CSMD1: variants seen among roughly 807,000 people sequenced by gnomAD.
CSMD1 encodes the protein CUB and Sushi multiple domains 1.
In CSMD1, 213 loss-of-function variants were observed where a neutral mutation model predicts 417.5. The observed-to-expected ratio is 0.51, with a 90% CI of 0.46 to 0.57. The LOEUF (loss-of-function observed/expected upper bound fraction) is 0.57, where lower values mean the gene tolerates loss of function less well. Ranked by LOEUF, CSMD1 falls within the 20% of genes least tolerant of loss-of-function variation. The probability of loss-of-function intolerance (pLI) is 0.00; values close to 1 mark genes in which losing one functional copy is unlikely to be tolerated. For synonymous variants in CSMD1, 2,862 were observed against 1,736.8 expected (o/e 1.65, Z -16.11); for missense variants, 6,923 against 4,529.7 (o/e 1.53, Z -15.17).
At chr8:3,638,563 C>T (rs1425771040) in intron 7 of CSMD1, among the ~76,000 whole-genome samples, 2 of 152,060 alleles carry the variant, frequency 1.3e-5, no homozygotes, top group South Asian at 2.1e-4. Flanking sequence ...GATGCTTGTC[C>T]CTGCCTGCAA....
chr8:3,798,636 T>C (rs1800293113), intron 5 of CSMD1, among the ~76,000 whole-genome samples: 1 of 152,138 alleles, frequency 6.6e-6, no homozygotes, highest in South Asian at 2.1e-4. Flanking sequence ...ACTCATGCTA[T>C]ATAAAAAATA....
intron 4 of CSMD1, among the ~76,000 whole-genome samples, chr8:4,029,581 T>A (rs1797235870): frequency 6.6e-6 from 1 of 152,112 alleles, no homozygotes; most frequent in Non-Finnish European, 1.5e-5. Context: ...TCCTCCCACA[T>A]GTGAGAATTG....
chr8:4,101,832 A>G (rs1801319239), intron 3 of CSMD1, among the ~76,000 whole-genome samples: 1 of 2,494 alleles, frequency 4.0e-4, no homozygotes, highest in Non-Finnish European at 0.025. Flanking sequence ...CACTCCGCAC[A>G]TCTCTGAATT....
intron 26 of CSMD1, among the ~76,000 whole-genome samples, chr8:3,251,673 A>C (rs370070706): frequency 1.3e-5 from 2 of 152,146 alleles, no homozygotes; most frequent in Non-Finnish European, 1.5e-5. Context: ...CATTTTCACA[A>C]TATTGATTCT....
chr8:3,151,373 G>C (rs776384830), intron 40 of CSMD1, 24 bp downstream of exon 40: 1 of 1,466,456 alleles, frequency 6.8e-7, no homozygotes, highest in African/African-American at 1.4e-5. Flanking sequence ...TGAACTTTTA[G>C]GAATTGGTAA....
intron 1 of CSMD1, among the ~76,000 whole-genome samples, chr8:4,700,517 G>T (rs922155498): frequency 6.6e-6 from 1 of 151,970 alleles, no homozygotes; most frequent in African/African-American, 2.4e-5. Context: ...ACAATGAAAA[G>T]GTGTCTAATA....
At chr8:4,728,609 A>T (rs1055388288) in intron 1 of CSMD1, among the ~76,000 whole-genome samples, 1 of 152,194 alleles carries the variant, frequency 6.6e-6, no homozygotes, top group African/African-American at 2.4e-5. Flanking sequence ...TGTCCTTCCT[A>T]TTCCAAATAA....
chr8:2,975,375 T>G (rs1804828505), intron 55 of CSMD1, among the ~76,000 whole-genome samples: 1 of 152,164 alleles, frequency 6.6e-6, no homozygotes, highest in South Asian at 2.1e-4. Flanking sequence ...ATGGACAAAT[T>G]TTTATCTATA....
chr8:3,908,652 C>T (rs1276143628), intron 5 of CSMD1, among the ~76,000 whole-genome samples: 1 of 152,152 alleles, frequency 6.6e-6, no homozygotes, highest in African/African-American at 2.4e-5. Context: ...TTTGTAATTG[C>T]TCTGCAGGGC....
At chr8:4,638,109 G>C (rs1271646348) in intron 1 of CSMD1, among the ~76,000 whole-genome samples, 2 of 152,142 alleles carry the variant, frequency 1.3e-5, no homozygotes, top group African/African-American at 2.4e-5. Context: ...TAGAAGTTTA[G>C]GGAAGTTCTT....
At chr8:3,602,202 G>A (rs1369506585) in intron 8 of CSMD1, among the ~76,000 whole-genome samples, 1 of 152,052 alleles carries the variant, frequency 6.6e-6, no homozygotes, top group East Asian at 1.9e-4. Flanking sequence ...CTTCATGACT[G>A]GTCCATCTTC....
Position 3,937,585 on chromosome 8 carries a change from C to G in CSMD1, c.818+60318G>C, listed in dbSNP as rs375213120. 9.9e-5 allele frequency among the ~76,000 whole-genome samples: 15 copies of G among 152,246 alleles called. 1 individual carries two copies. In the South Asian group the frequency reaches 3.1e-3, roughly 32 times the overall value. ...AGAATGCAGTGTCATGTAAATATAA[C>G]TTTAATATGCACTGGGGAACCCACA... On this transcript the variant is annotated intron_variant, in intron 5 of 69. Coordinates refer to ENST00000635120, the MANE Select transcript of CSMD1 (RefSeq NM_033225.6).
At chr8:4,730,995 A>G (rs1441212378) in intron 1 of CSMD1, among the ~76,000 whole-genome samples, 1 of 152,052 alleles carries the variant, frequency 6.6e-6, no homozygotes, top group South Asian at 2.1e-4. Context: ...TGGGAGTTCT[A>G]TGTCATGGTT....
chr8:3,919,512 T>C (rs1416621770), intron 5 of CSMD1, among the ~76,000 whole-genome samples: 1 of 152,194 alleles, frequency 6.6e-6, no homozygotes, highest in Admixed American at 6.6e-5. Flanking sequence ...TTTATTACAG[T>C]ATCATACTGC....
chr8:3,948,080 C>T (rs1811358608), intron 5 of CSMD1, among the ~76,000 whole-genome samples: 1 of 152,074 alleles, frequency 6.6e-6, no homozygotes. Flanking sequence ...GTGGCAAGTG[C>T]CTTTAATCCC....
chr8:4,312,442 T>A (rs1419138803), intron 3 of CSMD1, among the ~76,000 whole-genome samples: 2 of 139,222 alleles, frequency 1.4e-5, no homozygotes, highest in Non-Finnish European at 3.0e-5. Context: ...TATATGCGTA[T>A]ATATATACGT....
At chr8:3,974,037 A>C (rs1444472148) in intron 5 of CSMD1, among the ~76,000 whole-genome samples, 1 of 152,156 alleles carries the variant, frequency 6.6e-6, no homozygotes, top group South Asian at 2.1e-4. Flanking sequence ...TGTAGAGTGA[A>C]GTTATCATTG....
At chr8:4,721,654 T>C (rs1809060270) in intron 1 of CSMD1, among the ~76,000 whole-genome samples, 1 of 152,172 alleles carries the variant, frequency 6.6e-6, no homozygotes, top group Non-Finnish European at 1.5e-5. Flanking sequence ...TGGAGGTTCC[T>C]CAAAAAATTA....
In CSMD1 at chr8:3,408,152, G is replaced by C. The variant is rs781571644; in HGVS notation, c.1818C>G (p.Asn606Lys). The C allele has an allele frequency of 1.9e-6, 3 of 1,613,246 alleles. No individual in the cohort carries two copies. The highest frequency in any genetic ancestry group is 2.2e-5 in the East Asian group (1 of 44,870). ...TAATCAACCAGACACAGTTCATGTTGTTCCCATATTCCTCTGGATAATTTG... is the reference window on the plus strand; with the variant it reads ...TAATCAACCAGACACAGTTCATGTTCTTCCCATATTCCTCTGGATAATTTG... ...LSPNYPEEYG[N>K]NMNCVWLIIS... The change falls in exon 14 of 70, where the codon AAC (asparagine) becomes AAG (lysine). Residue 606 changes from asparagine (N) to lysine (K), a missense_variant. Coordinates refer to ENST00000635120, the MANE Select transcript of CSMD1 (RefSeq NM_033225.6).
Sources: gnomAD v4.1 joint callset for allele counts (sites outside exome capture counted in the v4.1 genomes callset) on GRCh38, gnomAD v4.1.1 for gene constraint, MANE v1.5 for transcripts, NCBI Gene and HGNC (gene_info 2026-07-23, HGNC 2026-07-21) for gene names.